The following FHL2 variants were observed in gnomAD, a reference collection of about 807,000 sequenced individuals.
FHL2 encodes four and a half LIM domains 2.
A neutral mutation model predicts 32.7 loss-of-function variants in FHL2; 20 were observed. The ratio of observed to expected loss-of-function variants is 0.61; its 90% CI spans 0.43 to 0.89. The LOEUF (loss-of-function observed/expected upper bound fraction) is 0.89. Ranked by LOEUF, FHL2 falls within the 40% of genes least tolerant of loss-of-function variation. The pLI is 0.00. For synonymous variants in FHL2, 123 were observed against 128.1 expected (o/e 0.96, Z 0.27); for missense variants, 311 against 358.6 (o/e 0.87, Z 1.07).
chr2:105,412,956 A>G (rs1305590073), intron 1 of FHL2, among the ~76,000 whole-genome samples: 1 of 152,094 alleles, frequency 6.6e-6, no homozygotes, highest in Non-Finnish European at 1.5e-5. Flanking sequence ...GTCTGATGGG[A>G]AAAAAAGGAA....
intron 4 of FHL2, among the ~76,000 whole-genome samples, chr2:105,372,350 C>G (rs992912287): frequency 6.6e-6 from 1 of 152,024 alleles, no homozygotes; most frequent in South Asian, 2.1e-4. Context: ...CTCAGCCTCC[C>G]GAGTAGCTGG....
At chr2:105,403,802 C>CT (rs1683546609), upstream of FHL2, among the ~76,000 whole-genome samples, 1 of 152,202 alleles carries the variant, frequency 6.6e-6, no homozygotes, top group African/African-American at 2.4e-5. Context: ...CTCAGGAACT[C>CT]TAAAATCCAG....
intron 3 of FHL2, among the ~76,000 whole-genome samples, chr2:105,380,776 C>T (rs757868646): frequency 4.7e-5 from 7 of 150,454 alleles, no homozygotes; most frequent in Non-Finnish European, 1.0e-4. Flanking sequence ...AAATTGAAAA[C>T]AAAAAGAAAG....
chr2:105,420,173 G>A (rs74371412), intron 1 of FHL2, among the ~76,000 whole-genome samples: 2 of 152,216 alleles, frequency 1.3e-5, no homozygotes, highest in East Asian at 1.9e-4. Context: ...AGATCAAGGT[G>A]TCAGCAGGGT....
intron 1 of FHL2, among the ~76,000 whole-genome samples, chr2:105,433,475 C>A (rs1473730160): frequency 6.6e-6 from 1 of 152,208 alleles, no homozygotes; most frequent in Non-Finnish European, 1.5e-5. Context: ...AGCCACCGCG[C>A]CCGGCTTCAT....
rs1684673888 is a variant in FHL2, at chr2:105,438,299, C to T, written c.-25+100G>A. ...GAGCTTCCTCCCAGGGCTGGACACT[C>T]CCTCTGCATGCAACAAGATGCCTAC... On this transcript the variant is annotated intron_variant, in intron 1 of 5. Coordinates refer to the FHL2 transcript ENST00000393352. 3 of 922,212 alleles carry T rather than the reference C, an allele frequency of 3.3e-6. No individual in the cohort carries two copies. In the South Asian group the frequency reaches 1.5e-4, roughly 46 times the overall value. 57.1% of individuals were successfully genotyped at this position (922,212 alleles called of 1,614,324 possible).
chr2:105,365,054 C>T (rs988922540), intron 5 of FHL2, among the ~76,000 whole-genome samples: 2 of 152,190 alleles, frequency 1.3e-5, no homozygotes, highest in African/African-American at 2.4e-5. Context: ...AACATGTGTC[C>T]TCAGTCCTCC....
At chr2:105,396,513 G>A (rs1008966063) in intron 2 of FHL2, 134 bp downstream of exon 2, 6 of 736,184 alleles carry the variant, frequency 8.2e-6, no homozygotes, top group African/African-American at 3.5e-5. Flanking sequence ...CACCCTCCCA[G>A]ACACACCCAG....
chr2:105,403,719 G>T (rs948738618), upstream of FHL2, among the ~76,000 whole-genome samples: 2 of 152,216 alleles, frequency 1.3e-5, no homozygotes, highest in Non-Finnish European at 2.9e-5. Context: ...TAATTTACCA[G>T]AAACCTACGA....
chr2:105,380,560 A>G (rs1681817138), intron 3 of FHL2, among the ~76,000 whole-genome samples: 1 of 152,180 alleles, frequency 6.6e-6, no homozygotes, highest in African/African-American at 2.4e-5. Flanking sequence ...AAAAGCTCCA[A>G]ACCGATTTTT....
upstream of FHL2, chr2:105,399,137 C>A: frequency 2.2e-6 from 3 of 1,382,480 alleles, no homozygotes; most frequent in South Asian, 1.7e-5. Context: ...TCGCTGGCAC[C>A]GGGCGTGGGG....
intron 3 of FHL2, among the ~76,000 whole-genome samples, chr2:105,382,613 C>T (rs182322031): frequency 6.6e-6 from 1 of 152,342 alleles, no homozygotes; most frequent in East Asian, 1.9e-4. Flanking sequence ...AGGCAATACA[C>T]AGTGGTTTCA....
At chr2:105,376,606 A>T (rs1280552229) in intron 3 of FHL2, 1 of 152,234 alleles carries the variant, frequency 6.6e-6, no homozygotes. Context: ...TGTGGAAAAC[A>T]CCATGGCTGA....
chr2:105,366,387 G>A (rs1364414636), intron 5 of FHL2, among the ~76,000 whole-genome samples: 1 of 152,202 alleles, frequency 6.6e-6, no homozygotes, highest in Non-Finnish European at 1.5e-5. Flanking sequence ...AGGCCCCAAG[G>A]GCAAAACAGC....
chr2:105,393,018 G>A (rs935563388), intron 2 of FHL2, among the ~76,000 whole-genome samples: 5 of 149,658 alleles, frequency 3.3e-5, no homozygotes, highest in East Asian at 2.0e-4. Context: ...GAAAGATTTC[G>A]ATCAAAGGAG....
At chr2:105,397,871 T>C (rs1025916481) in intron 1 of FHL2, among the ~76,000 whole-genome samples, 2 of 40,682 alleles carry the variant, frequency 4.9e-5, no homozygotes, top group Admixed American at 4.0e-4. Context: ...CAAATGGTTT[T>C]TGTTTTTTTG....
At position 105,373,626 on chromosome 2, in the gene FHL2, G is replaced by C. The variant is rs1573306556; in HGVS notation, c.264C>G (p.Leu88=). The change falls in exon 4 of 7, where the codon CTC becomes CTG. Residue 88 remains leucine, a synonymous_variant. Coordinates refer to ENST00000530340, the MANE Select transcript of FHL2 (RefSeq NM_001318895.3). ...ACTCGTTGGAATAGCAGTCTGTACA[G>C]AGCAGCTGGTCCTCCTTGGCAGCAA... is the stretch of plus-strand genomic sequence containing the variant. ...KPFAAKEDQL[L]CTDCYSNEYS... 2.5e-6 allele frequency: 4 copies of C among 1,614,208 alleles called. No individual in the cohort carries two copies. Among genetic ancestry groups the C allele is most frequent in the Non-Finnish European group, 3.4e-6 (4 of 1,180,026 alleles).
At chr2:105,370,088 A>G (rs1185612477) in intron 4 of FHL2, among the ~76,000 whole-genome samples, 1 of 152,180 alleles carries the variant, frequency 6.6e-6, no homozygotes, top group Admixed American at 6.5e-5. Flanking sequence ...AAATAGTCAA[A>G]TGAGGCTGGC....
chr2:105,418,232 A>G (rs1683991415), intron 1 of FHL2, among the ~76,000 whole-genome samples: 1 of 152,154 alleles, frequency 6.6e-6, no homozygotes, highest in South Asian at 2.1e-4. Context: ...CCAAGGGCTC[A>G]TCATTGAGAT....
Sources: gnomAD v4.1 joint callset for allele counts (sites outside exome capture counted in the v4.1 genomes callset) on GRCh38, gnomAD v4.1.1 for gene constraint, MANE v1.5 for transcripts, NCBI Gene and HGNC (gene_info 2026-07-23, HGNC 2026-07-21) for gene names.